The following CSGALNACT1 variants were observed in gnomAD, a reference collection of about 807,000 sequenced individuals.
CSGALNACT1 encodes chondroitin sulfate N-acetylgalactosaminyltransferase 1, also known as beta4GalNAcT-1.
CSGALNACT1 carries 52 observed loss-of-function variants against 51.0 expected under a neutral mutation model. The ratio of observed to expected loss-of-function variants is 1.02; its 90% confidence interval spans 0.82 to 1.29. The LOEUF is 1.29. CSGALNACT1 is among the 50% of genes most tolerant of loss of function. The pLI is 0.00. For missense variants in CSGALNACT1, 935 were observed against 679.2 expected, an observed-to-expected ratio of 1.38 and a Z score of -4.19; for synonymous variants, 341 against 254.4, an observed-to-expected ratio of 1.34 and a Z score of -3.24.
At chr8:19,509,607 G>A (rs2078060150) in intron 3 of CSGALNACT1, among the ~76,000 whole-genome samples, 2 of 118,376 alleles carry the variant, frequency 1.7e-5, no homozygotes, top group Non-Finnish European at 3.3e-5. Flanking sequence ...GGGCAACAGT[G>A]CAAGACTCTG....
At chr8:19,420,826 G>A (rs546912303) in intron 6 of CSGALNACT1, among the ~76,000 whole-genome samples, 7 of 152,232 alleles carry the variant, frequency 4.6e-5, no homozygotes, top group Non-Finnish European at 1.0e-4. Context: ...ACTTGAACCA[G>A]GTAAGACTAG....
At chr8:19,519,965 C>T (rs552122682) in intron 3 of CSGALNACT1, among the ~76,000 whole-genome samples, 48 of 152,328 alleles carry the variant, frequency 3.2e-4, no homozygotes, top group African/African-American at 1.2e-3. Context: ...TGAAAGGTGC[C>T]AGCACCCACT....
At chr8:19,438,744 G>T (rs1344436523) in intron 6 of CSGALNACT1, among the ~76,000 whole-genome samples, 1 of 152,192 alleles carries the variant, frequency 6.6e-6, no homozygotes, top group South Asian at 2.1e-4. Flanking sequence ...TACAAAGACA[G>T]GTGCAAGACA....
At chr8:19,637,700 A>T (rs1486361138) in intron 1 of CSGALNACT1, among the ~76,000 whole-genome samples, 1 of 152,234 alleles carries the variant, frequency 6.6e-6, no homozygotes, top group African/African-American at 2.4e-5. Context: ...TTAAAAAGGT[A>T]ATTGGCAAAT....
chr8:19,728,728 T>C (rs1285726091), intron 1 of CSGALNACT1, among the ~76,000 whole-genome samples: 1 of 152,196 alleles, frequency 6.6e-6, no homozygotes, highest in Non-Finnish European at 1.5e-5. Flanking sequence ...TGTTAATTCA[T>C]TTCTCGAGTT....
intron 4 of CSGALNACT1, among the ~76,000 whole-genome samples, chr8:19,482,084 C>T (rs552278418): frequency 6.6e-6 from 1 of 152,254 alleles, no homozygotes; most frequent in South Asian, 2.1e-4. Context: ...AGCCCTACTC[C>T]TGAGTATACA....
At chr8:19,569,850 C>T (rs981914463) in intron 3 of CSGALNACT1, among the ~76,000 whole-genome samples, 1 of 152,172 alleles carries the variant, frequency 6.6e-6, no homozygotes, top group Non-Finnish European at 1.5e-5. Context: ...ATACTATATT[C>T]ATACAATACT....
intron 4 of CSGALNACT1, among the ~76,000 whole-genome samples, chr8:19,464,528 C>G (rs941327916): frequency 6.6e-6 from 1 of 152,116 alleles, no homozygotes; most frequent in African/African-American, 2.4e-5. Context: ...CATATAACTA[C>G]TGATTCCAGG....
At chr8:19,415,681 G>T (rs1411817335) in intron 8 of CSGALNACT1, among the ~76,000 whole-genome samples, 1 of 152,174 alleles carries the variant, frequency 6.6e-6, no homozygotes, top group Non-Finnish European at 1.5e-5. Context: ...AGCAAATAAG[G>T]TCTTTATGAA....
chr8:19,549,656 C>CTTTTTTTTTTTTTT (rs542956513), intron 3 of CSGALNACT1, among the ~76,000 whole-genome samples: 2 of 83,468 alleles, frequency 2.4e-5, no homozygotes, highest in African/African-American at 9.2e-5. Flanking sequence ...CAATTTCCTA[C>CTTTTTTTTTTTTTT]TTTTTTTTTT....
chr8:19,457,594 C>T, intron 5 of CSGALNACT1: 1 of 1,080,992 alleles, frequency 9.3e-7, no homozygotes, highest in Non-Finnish European at 1.3e-6. Context: ...GCCTGGGTGA[C>T]AGAGTAAGAC....
At chr8:19,525,848 G>T (rs1437831975) in intron 3 of CSGALNACT1, among the ~76,000 whole-genome samples, 1 of 152,000 alleles carries the variant, frequency 6.6e-6, no homozygotes, top group Non-Finnish European at 1.5e-5. Context: ...GAGGCCAGGG[G>T]TGGCTCTATT....
At chr8:19,409,765 G>C (rs561965261) in intron 8 of CSGALNACT1, among the ~76,000 whole-genome samples, 2 of 152,262 alleles carry the variant, frequency 1.3e-5, no homozygotes, top group Non-Finnish European at 2.9e-5. Flanking sequence ...TCGTTAATTA[G>C]AAACGGTACA....
intron 6 of CSGALNACT1, among the ~76,000 whole-genome samples, chr8:19,436,057 G>C (rs2060322008): frequency 6.6e-6 from 1 of 152,120 alleles, no homozygotes; most frequent in Admixed American, 6.5e-5. Flanking sequence ...GGTGTTTGCA[G>C]AACACTGATC....
At chr8:19,654,873 T>C (rs2058119607) in intron 1 of CSGALNACT1, among the ~76,000 whole-genome samples, 2 of 152,074 alleles carry the variant, frequency 1.3e-5, no homozygotes, top group Admixed American at 1.3e-4. Flanking sequence ...TAAAGTAAAA[T>C]TTTTCATAAG....
intron 1 of CSGALNACT1, among the ~76,000 whole-genome samples, chr8:19,725,488 G>C (rs1449149675): frequency 6.8e-6 from 1 of 146,486 alleles, no homozygotes; most frequent in Non-Finnish European, 1.5e-5. Flanking sequence ...GCAGTGGCGT[G>C]ATCTCGGCTC....
At chr8:19,488,984 C>T (rs73212567) in intron 4 of CSGALNACT1, among the ~76,000 whole-genome samples, 7,320 of 152,024 alleles carry the variant, frequency 0.048, 268 homozygotes, top group Non-Finnish European at 0.066. Context: ...TATTATTATG[C>T]GCAAATAAGT....
rs575278949 is a variant in CSGALNACT1, at chr8:19,651,875, G to T, written c.-544+30598C>A. Among the ~76,000 whole-genome samples, 3 of 151,906 alleles carry T rather than the reference G, an allele frequency of 2.0e-5. No homozygotes were observed. In the South Asian group the frequency reaches 6.2e-4, roughly 32 times the overall value. ...GGTTAACTAATTTACATTTTTACCA[G>T]CAATTAATGTGTTTCCTTTTCTCTA... is the stretch of plus-strand genomic sequence containing the variant. On this transcript the variant is annotated intron_variant, in intron 1 of 9. Transcript: ENST00000332246.
At chr8:19,548,463 T>TA (rs1342854874) in intron 3 of CSGALNACT1, among the ~76,000 whole-genome samples, 3 of 152,168 alleles carry the variant, frequency 2.0e-5, no homozygotes, top group African/African-American at 7.2e-5. Flanking sequence ...GTATTATTTT[T>TA]AAAAAATATT....
Sources: allele counts gnomAD v4.1 joint callset (sites outside exome capture counted in the v4.1 genomes callset), GRCh38; gene constraint gnomAD v4.1.1; transcripts MANE v1.5; gene names NCBI Gene and HGNC (gene_info 2026-07-23, HGNC 2026-07-21).